The following UNC13C variants were observed in gnomAD, a reference collection of about 807,000 sequenced individuals.
UNC13C encodes protein unc-13 homolog C.
A neutral mutation model predicts 245.4 loss-of-function variants in UNC13C; 174 were observed. That is an observed-to-expected ratio of 0.71 (90% CI 0.63 to 0.80). The LOEUF (loss-of-function observed/expected upper bound fraction) is 0.80, where lower values mean the gene tolerates loss of function less well. Among genes scored for constraint, UNC13C ranks in the 30% least tolerant of loss-of-function variants. The probability of loss-of-function intolerance (pLI) is 0.00; values close to 1 mark genes in which losing one functional copy is unlikely to be tolerated. For synonymous variants in UNC13C, 992 were observed against 895.1 expected (o/e 1.11, Z -1.93); for missense variants, 2,829 against 2,602.9 (o/e 1.09, Z -1.89).
In UNC13C at chr15:54,398,664, T is replaced by C. The variant is rs564016351; in HGVS notation, c.4847+5483T>C. On this transcript the variant is annotated intron_variant, in intron 18 of 32. Transcript: ENST00000260323. ...TATTTAGTTTACCTATTTGTTCAAA[T>C]AGGTAACCTAAATTTAGGTTTTTGT... Among the ~76,000 whole-genome samples the C allele has an allele frequency of 5.9e-5, 9 of 151,518 alleles. No individual in the cohort carries two copies. The South Asian group carries it at 1.7e-3, about 28-fold the overall frequency.
chr15:54,339,984 T>A (rs2038690927), intron 17 of UNC13C, among the ~76,000 whole-genome samples: 1 of 152,138 alleles, frequency 6.6e-6, no homozygotes, highest in African/African-American at 2.4e-5. Context: ...TGGCCATTCT[T>A]CCAGTAGTAA....
At chr15:54,590,014 C>T (rs1898701459) in intron 30 of UNC13C, among the ~76,000 whole-genome samples, 1 of 152,168 alleles carries the variant, frequency 6.6e-6, no homozygotes, top group African/African-American at 2.4e-5. Context: ...TGTGGCTAGC[C>T]AATTATCCCA....
At chr15:54,340,589 T>G (rs1264079367) in intron 17 of UNC13C, among the ~76,000 whole-genome samples, 1 of 152,218 alleles carries the variant, frequency 6.6e-6, no homozygotes, top group Non-Finnish European at 1.5e-5. Flanking sequence ...AAAGATCAGT[T>G]GGCTGTAAGT....
At chr15:54,289,354 T>C (rs1419125821) in intron 10 of UNC13C, among the ~76,000 whole-genome samples, 1 of 152,062 alleles carries the variant, frequency 6.6e-6, no homozygotes, top group Non-Finnish European at 1.5e-5. Flanking sequence ...AAGCTTCAGG[T>C]GGCATGGTGG....
intron 2 of UNC13C, among the ~76,000 whole-genome samples, chr15:54,065,976 C>T (rs1434710568): frequency 6.6e-6 from 1 of 152,150 alleles, no homozygotes; most frequent in Non-Finnish European, 1.5e-5. Context: ...TTAACCATAT[C>T]CCCCAATTTT....
intron 19 of UNC13C, among the ~76,000 whole-genome samples, chr15:54,462,476 G>A (rs750727403): frequency 2.6e-4 from 39 of 152,152 alleles, no homozygotes; most frequent in Non-Finnish European, 4.7e-4. Context: ...GGCCGGAACC[G>A]GGGCTACGCA....
intron 19 of UNC13C, among the ~76,000 whole-genome samples, chr15:54,420,917 T>C (rs1374075144): frequency 2.6e-5 from 4 of 152,092 alleles, no homozygotes; most frequent in African/African-American, 7.2e-5. Context: ...ATTGATCTAC[T>C]GTGCTCTCTT....
the UNC13C span, among the ~76,000 whole-genome samples, chr15:53,910,244 G>T: frequency 6.9e-6 from 1 of 145,420 alleles, no homozygotes; most frequent in Non-Finnish European, 1.5e-5. Context: ...CTACATCCAT[G>T]TTGTCACTTA....
At chr15:53,958,678 G>GTATA in the UNC13C span, among the ~76,000 whole-genome samples, 44 of 152,166 alleles carry the variant, frequency 2.9e-4, no homozygotes, top group South Asian at 1.0e-3. Flanking sequence ...TTTTATATTG[G>GTATA]TATATAGTAG....
chr15:54,364,685 G>C (rs510966), intron 17 of UNC13C, among the ~76,000 whole-genome samples: 69,918 of 151,886 alleles, frequency 0.46, 16,446 homozygotes, highest in East Asian at 0.74. Context: ...ATGGAAAATA[G>C]TGCCCACTAG....
At chr15:54,600,212 G>A (rs944803128) in intron 30 of UNC13C, among the ~76,000 whole-genome samples, 3 of 152,100 alleles carry the variant, frequency 2.0e-5, no homozygotes, top group Non-Finnish European at 2.9e-5. Context: ...GTGTCAGAAC[G>A]TGGTAGGCCC....
chr15:54,186,845 G>A (rs7172453), intron 4 of UNC13C, among the ~76,000 whole-genome samples: 35,266 of 105,836 alleles, frequency 0.33, 7,077 homozygotes, highest in East Asian at 0.5. Flanking sequence ...TAATATATAT[G>A]TATATATATA....
intron 18 of UNC13C, among the ~76,000 whole-genome samples, chr15:54,398,929 T>C (rs2040125144): frequency 6.6e-6 from 1 of 151,672 alleles, no homozygotes; most frequent in Admixed American, 6.6e-5. Flanking sequence ...AATGTTTTGT[T>C]TTTTGTTTTA....
intron 4 of UNC13C, among the ~76,000 whole-genome samples, chr15:54,153,571 G>A (rs2115832): frequency 0.65 from 98,598 of 151,888 alleles, 33,498 homozygotes; most frequent in Non-Finnish European, 0.75. Flanking sequence ...GCTTTTATGC[G>A]AAATTGATAC....
rs551436233 is a variant in UNC13C, at chr15:54,358,085, C to T, written c.4713+19596C>T. 3.4e-4 allele frequency among the ~76,000 whole-genome samples: 52 copies of T among 152,046 alleles called. No homozygotes were observed. The East Asian group carries it at 4.3e-3, about 12-fold the overall frequency. ...CCATTTATTAAGGACTATCTTTTCC[C>T]CGGTGTATATTCTTTCCAACTTCGT... On this transcript the variant is annotated intron_variant, in intron 17 of 32. Coordinates refer to ENST00000260323, the MANE Select transcript of UNC13C (RefSeq NM_001080534.3).
chr15:54,448,291 C>T (rs542814252), intron 19 of UNC13C, among the ~76,000 whole-genome samples: 126 of 152,162 alleles, frequency 8.3e-4, no homozygotes, highest in African/African-American at 1.9e-3. Flanking sequence ...CTAGTAGGTC[C>T]GCTTGGTGCA....
At chr15:54,540,181 A>C (rs533649970) in intron 26 of UNC13C, among the ~76,000 whole-genome samples, 65 of 152,192 alleles carry the variant, frequency 4.3e-4, no homozygotes, top group Middle Eastern at 3.4e-3. Flanking sequence ...TAAACGTAAG[A>C]TGTAAAGTGA....
chr15:54,297,303 C>A lies in UNC13C; in HGVS notation c.3989-508C>A, dbSNP rs769742060. Among the ~76,000 whole-genome samples, 4 of 151,962 alleles carry A rather than the reference C, an allele frequency of 2.6e-5. No individual in the cohort carries two copies. The East Asian group carries it at 7.7e-4, about 29-fold the overall frequency. On this transcript the variant is annotated intron_variant, in intron 11 of 32. Transcript: ENST00000260323. ...TGTAAGACGCTTGATAATTACAATA[C>A]CACAATAGGCAAATATTTTTAATTG...
At chr15:53,922,702 T>C in the UNC13C span, among the ~76,000 whole-genome samples, 7 of 152,198 alleles carry the variant, frequency 4.6e-5, no homozygotes, top group African/African-American at 1.4e-4. Context: ...CCATAAACTA[T>C]TGACTTACAT....
Sources: allele counts gnomAD v4.1 joint callset (sites outside exome capture counted in the v4.1 genomes callset), GRCh38; gene constraint gnomAD v4.1.1; transcripts MANE v1.5; gene names NCBI Gene and HGNC (gene_info 2026-07-23, HGNC 2026-07-21).